Variants in MCTP2 observed in about 807,000 individuals in gnomAD.
MCTP2 encodes multiple C2 and transmembrane domain containing 2, also known as multiple C2 and transmembrane domain-containing protein 2.
A neutral mutation model predicts 111.6 loss-of-function variants in MCTP2; 132 were observed. That is an observed-to-expected ratio of 1.18 (90% confidence interval 1.03 to 1.37). The LOEUF (loss-of-function observed/expected upper bound fraction) is 1.37, where lower values mean the gene tolerates loss of function less well. Among genes scored for constraint, MCTP2 ranks in the 40% most tolerant of loss-of-function variants. The pLI, the probability that MCTP2 is intolerant of heterozygous loss-of-function variation, is 0.00. For synonymous variants in MCTP2, 395 were observed against 387.7 expected, an observed-to-expected ratio of 1.02 and a Z score of -0.22; for missense variants, 1,183 against 1,067.9, an observed-to-expected ratio of 1.11 and a Z score of -1.50.
intron 1 of MCTP2, among the ~76,000 whole-genome samples, chr15:94,286,230 T>C (rs1300102622): frequency 1.3e-5 from 2 of 152,200 alleles, no homozygotes; most frequent in Non-Finnish European, 2.9e-5. Context: ...ATATAAATTC[T>C]TTTCCCAGTT....
intron 1 of MCTP2, among the ~76,000 whole-genome samples, chr15:94,290,789 C>CT (rs1269459654): frequency 5.9e-5 from 9 of 152,114 alleles, no homozygotes; most frequent in African/African-American, 1.9e-4. Context: ...GGCTTCAGAG[C>CT]TAGAAAATCA....
At chr15:94,315,799 T>G (rs1453912349) in intron 4 of MCTP2, among the ~76,000 whole-genome samples, 162 bp downstream of exon 4, 1 of 152,206 alleles carries the variant, frequency 6.6e-6, no homozygotes, top group African/African-American at 2.4e-5. Context: ...AGTGAATCAT[T>G]TAAACACACT....
intron 1 of MCTP2, among the ~76,000 whole-genome samples, chr15:94,276,618 A>G (rs912510146): frequency 1.3e-5 from 2 of 150,562 alleles, no homozygotes; most frequent in Non-Finnish European, 2.9e-5. Context: ...TATGTTCGTA[A>G]TCTGAATTCA....
intron 1 of MCTP2, among the ~76,000 whole-genome samples, chr15:94,236,368 C>CTTT (rs1167268187): frequency 1.2e-4 from 8 of 67,152 alleles, no homozygotes; most frequent in South Asian, 4.7e-4. Flanking sequence ...TCAATCCTTT[C>CTTT]TTTTTTTTCT....
chr15:94,236,377 CTTTTTTTT>C (rs71132992), intron 1 of MCTP2, among the ~76,000 whole-genome samples: 37 of 72,516 alleles, frequency 5.1e-4, no homozygotes, highest in Admixed American at 1.2e-3. Context: ...TCTTTTTTTT[CTTTTTTTT>C]TTTTTTTTTT....
intron 1 of MCTP2, among the ~76,000 whole-genome samples, chr15:94,283,568 C>T (rs568073022): frequency 3.3e-4 from 50 of 152,284 alleles, no homozygotes; most frequent in African/African-American, 1.2e-3. Context: ...TTCATTCACC[C>T]CTTTCCTAGG....
chr15:94,425,264 C>T (rs1216519029), intron 17 of MCTP2, among the ~76,000 whole-genome samples: 2 of 152,142 alleles, frequency 1.3e-5, no homozygotes, highest in Admixed American at 1.3e-4. Context: ...ATCAAGTTTA[C>T]ATACATAGAT....
At position 94,235,321 on chromosome 15, in the gene MCTP2, C is replaced by T. The variant is rs530589762; in HGVS notation, c.-66+3657C>T. 1.2e-3 allele frequency among the ~76,000 whole-genome samples: 186 copies of T among 152,058 alleles called. 1 individual carries two copies. Among genetic ancestry groups the T allele is most frequent in the Non-Finnish European group, 2.2e-3 (150 of 67,990 alleles). ...CTCCTCCACTGATGTTCTTCGAGTC[C>T]GGCAGCACCTACGTACCTGAGATTA... On this transcript the variant is annotated intron_variant, in intron 1 of 22. Coordinates refer to ENST00000357742, the MANE Select transcript of MCTP2 (RefSeq NM_001385001.1).
At chr15:94,455,562 AC>A (rs2084771787) in intron 19 of MCTP2, among the ~76,000 whole-genome samples, 1 of 151,852 alleles carries the variant, frequency 6.6e-6, no homozygotes. Context: ...CTCAGCTTGG[AC>A]TGCAAGCACG....
intron 1 of MCTP2, among the ~76,000 whole-genome samples, chr15:94,280,543 A>G (rs2074428858): frequency 6.6e-6 from 1 of 151,368 alleles, no homozygotes; most frequent in African/African-American, 2.4e-5. Context: ...TCTTTCAAAT[A>G]ACAACTTTTG....
intron 4 of MCTP2, among the ~76,000 whole-genome samples, chr15:94,334,183 G>T (rs1056307776): frequency 9.9e-5 from 15 of 152,166 alleles, no homozygotes; most frequent in African/African-American, 3.6e-4. Flanking sequence ...AAGTATATTG[G>T]ATCATTCAGT....
At chr15:94,422,335 CTAGT>C (rs1296167755) in intron 17 of MCTP2, among the ~76,000 whole-genome samples, 1 of 152,100 alleles carries the variant, frequency 6.6e-6, no homozygotes, top group African/African-American at 2.4e-5. Flanking sequence ...GAAATAATTC[CTAGT>C]TAGTGAGTGA....
At chr15:94,239,029 GAA>G (rs910785196) in intron 1 of MCTP2, among the ~76,000 whole-genome samples, 4 of 141,610 alleles carry the variant, frequency 2.8e-5, no homozygotes, top group African/African-American at 1.0e-4. Flanking sequence ...AAAAAGAAAA[GAA>G]AAACTAAAAA....
chr15:94,261,393 G>T (rs1349753756), intron 1 of MCTP2, among the ~76,000 whole-genome samples: 3 of 152,232 alleles, frequency 2.0e-5, no homozygotes, highest in African/African-American at 7.2e-5. Flanking sequence ...TGGATAGCAT[G>T]TGGATTCTGT....
chr15:94,283,097 G>A (rs2074573581), intron 1 of MCTP2, among the ~76,000 whole-genome samples: 1 of 152,190 alleles, frequency 6.6e-6, no homozygotes, highest in Admixed American at 6.5e-5. Flanking sequence ...ACCGGCAGAG[G>A]TCTTTCTGCA....
intron 3 of MCTP2, chr15:94,314,989 T>C (rs953051663): frequency 3.1e-6 from 1 of 325,278 alleles, no homozygotes; most frequent in Non-Finnish European, 6.0e-6. Context: ...GGGAAGAGCA[T>C]GTGTCAGTTG....
chr15:94,446,954 GTTGA>G (rs938503323), intron 19 of MCTP2, among the ~76,000 whole-genome samples: 4 of 152,188 alleles, frequency 2.6e-5, no homozygotes, highest in African/African-American at 9.7e-5. Flanking sequence ...ATCCATTTTT[GTTGA>G]TTGATTGAGG....
At chr15:94,244,161 C>T (rs1462529956) in intron 1 of MCTP2, among the ~76,000 whole-genome samples, 1 of 145,644 alleles carries the variant, frequency 6.9e-6, no homozygotes, top group African/African-American at 2.6e-5. Context: ...TGTTTATATA[C>T]ACGTGTATAC....
intron 7 of MCTP2, chr15:94,342,842 A>G (rs1319173981): frequency 6.6e-6 from 1 of 150,800 alleles, no homozygotes; most frequent in Non-Finnish European, 1.5e-5. Context: ...AAGGTAGTTG[A>G]TTTCTCCATG....
Sources: gnomAD v4.1 joint callset for allele counts (sites outside exome capture counted in the v4.1 genomes callset) on GRCh38, gnomAD v4.1.1 for gene constraint, MANE v1.5 for transcripts, NCBI Gene and HGNC (gene_info 2026-07-23, HGNC 2026-07-21) for gene names.